The following ZNF536 variants were observed in gnomAD, a reference collection of about 807,000 sequenced individuals.
The protein encoded by ZNF536 is zinc finger protein 536.
A neutral mutation model predicts 84.5 loss-of-function variants in ZNF536; 13 were observed. The ratio of observed to expected loss-of-function variants is 0.15; its 90% confidence interval spans 0.10 to 0.24. The LOEUF (loss-of-function observed/expected upper bound fraction) is 0.24. Among genes scored for constraint, ZNF536 ranks in the 10% least tolerant of loss-of-function variants. The probability of loss-of-function intolerance (pLI) is 1.00; values close to 1 mark genes in which losing one functional copy is unlikely to be tolerated. For synonymous variants in ZNF536, 811 were observed against 742.5 expected, an observed-to-expected ratio of 1.09 and a Z score of -1.50; for missense variants, 1,536 against 1,747.5, an observed-to-expected ratio of 0.88 and a Z score of 2.16.
chr19:30,483,316 C>A (rs1246561344), intron 2 of ZNF536, among the ~76,000 whole-genome samples: 1 of 152,190 alleles, frequency 6.6e-6, no homozygotes, highest in East Asian at 1.9e-4. Flanking sequence ...TGGTCCTCTC[C>A]CCTTCTGGGA....
At chr19:30,294,176 C>G (rs1295558623) in intron 2 of ZNF536, among the ~76,000 whole-genome samples, 1 of 152,114 alleles carries the variant, frequency 6.6e-6, no homozygotes, top group Non-Finnish European at 1.5e-5. Context: ...GGTGTGGCCC[C>G]CAACACAGAG....
intron 2 of ZNF536, among the ~76,000 whole-genome samples, chr19:30,339,049 A>C (rs574999178): frequency 1.3e-5 from 2 of 152,198 alleles, no homozygotes; most frequent in South Asian, 4.2e-4. Context: ...TTCCGTAGCT[A>C]AGTAACCCTG....
intron 2 of ZNF536, among the ~76,000 whole-genome samples, chr19:30,467,461 G>A (rs564289265): frequency 1.4e-4 from 22 of 152,160 alleles, no homozygotes; most frequent in Non-Finnish European, 7.4e-5. Flanking sequence ...TCCTTTTTAC[G>A]GCTGTATAGT....
intron 2 of ZNF536, among the ~76,000 whole-genome samples, chr19:30,284,610 T>C (rs2024298): frequency 0.31 from 47,380 of 152,122 alleles, 9,925 homozygotes; most frequent in East Asian, 0.61. Flanking sequence ...GACTCCAGAT[T>C]GCAAACTCCT....
At chr19:30,298,544 A>G (rs2046081636) in intron 2 of ZNF536, among the ~76,000 whole-genome samples, 1 of 152,228 alleles carries the variant, frequency 6.6e-6, no homozygotes, top group African/African-American at 2.4e-5. Context: ...CAACTGCAGA[A>G]GAACGGTGTG....
At position 30,416,535 on chromosome 19, in the gene ZNF536, G is replaced by A. The variant is rs151302873; in HGVS notation, c.-2-27026G>A. ...AGGGTTCTGGGACTGTCAGACTCAC[G>A]TTAGGATGTGCAGTGTGGGGTGTGT... On this transcript the variant is annotated intron_variant, in intron 1 of 4. Transcript: ENST00000355537. Among the ~76,000 whole-genome samples the A allele has an allele frequency of 6.8e-3, 1,032 of 152,178 alleles. 12 individuals are homozygous for A. The highest frequency in any genetic ancestry group is 8.9e-3 in the Non-Finnish European group (605 of 67,990).
rs536887290 is a variant in ZNF536, at chr19:30,240,557, G to A, written c.-190+11884G>A. 4.7e-4 allele frequency among the ~76,000 whole-genome samples: 72 copies of A among 152,306 alleles called. 2 individuals are homozygous for A. The South Asian group carries it at 0.013, about 27-fold the overall frequency. The stretch of plus-strand genomic sequence containing the variant: ...TGGGAGGAGGCCCAGGAGTGCCATC[G>A]CATTGCTGCACTGGCCTGACCTCCC... On this transcript the variant is annotated intron_variant, in intron 1 of 5. Transcript: ENST00000585628.
chr19:30,564,207 T>C (rs1199197870), intron 1 of ZNF536, among the ~76,000 whole-genome samples: 1 of 152,044 alleles, frequency 6.6e-6, no homozygotes, highest in Non-Finnish European at 1.5e-5. Flanking sequence ...TGTTGGCACA[T>C]GCCTGTGCTC....
chr19:30,680,620 T>C (rs1201422266), intron 1 of ZNF536, among the ~76,000 whole-genome samples: 1 of 152,190 alleles, frequency 6.6e-6, no homozygotes, highest in African/African-American at 2.4e-5. Context: ...CCATGATGTA[T>C]ATGTGCCACA....
chr19:30,268,859 A>G (rs2025664181), intron 1 of ZNF536, among the ~76,000 whole-genome samples: 1 of 152,200 alleles, frequency 6.6e-6, no homozygotes, highest in Non-Finnish European at 1.5e-5. Flanking sequence ...AGGGTCTCCA[A>G]GAACGGATTC....
At chr19:30,262,092 C>A (rs555994365) in intron 1 of ZNF536, among the ~76,000 whole-genome samples, 1 of 152,210 alleles carries the variant, frequency 6.6e-6, no homozygotes, top group Admixed American at 6.5e-5. Context: ...TTCAGAAATA[C>A]GGGTTTGGTT....
At chr19:30,577,311 G>A (rs184099828) in intron 1 of ZNF536, among the ~76,000 whole-genome samples, 16 of 152,056 alleles carry the variant, frequency 1.1e-4, no homozygotes, top group Admixed American at 2.6e-4. Context: ...ATAAACCCCC[G>A]AAAAACAGGA....
downstream of ZNF536, among the ~76,000 whole-genome samples, chr19:30,559,594 C>G (rs1355173180): frequency 6.6e-6 from 1 of 152,226 alleles, no homozygotes; most frequent in Non-Finnish European, 1.5e-5. Flanking sequence ...TTCCTGCAAA[C>G]CTGGGGCACC....
intron 1 of ZNF536, among the ~76,000 whole-genome samples, chr19:30,581,727 G>A (rs1235958636): frequency 2.0e-5 from 3 of 152,008 alleles, no homozygotes; most frequent in Non-Finnish European, 4.4e-5. Context: ...CACGAGGTCA[G>A]GAGTTCAAGA....
At chr19:30,615,383 A>C (rs1355255508) in intron 1 of ZNF536, among the ~76,000 whole-genome samples, 1 of 152,162 alleles carries the variant, frequency 6.6e-6, no homozygotes, top group Non-Finnish European at 1.5e-5. Flanking sequence ...TTATTAAATA[A>C]TTCTTCTTTA....
chr19:30,619,147 T>A (rs1319485012), intron 1 of ZNF536, among the ~76,000 whole-genome samples: 1 of 152,178 alleles, frequency 6.6e-6, no homozygotes, highest in Non-Finnish European at 1.5e-5. Context: ...AATACTCTTT[T>A]TTTTCGGGTG....
chr19:30,382,299 C>T (rs2049051552), intron 1 of ZNF536, among the ~76,000 whole-genome samples: 1 of 152,170 alleles, frequency 6.6e-6, no homozygotes. Context: ...ATCATCTGTG[C>T]AAAGCTCTTA....
At chr19:30,237,775 CT>C (rs36015370) in intron 1 of ZNF536, among the ~76,000 whole-genome samples, 2,884 of 147,484 alleles carry the variant, frequency 0.02, 73 homozygotes, top group African/African-American at 0.065. Context: ...TCTATAAGTT[CT>C]TTTTTTTTTT....
At chr19:30,392,298 G>T (rs1320126676) in intron 1 of ZNF536, among the ~76,000 whole-genome samples, 2 of 152,200 alleles carry the variant, frequency 1.3e-5, no homozygotes, top group Non-Finnish European at 2.9e-5. Flanking sequence ...GGGACAGAAA[G>T]ATTGTGCGGT....
Sources: allele counts gnomAD v4.1 joint callset (sites outside exome capture counted in the v4.1 genomes callset), GRCh38; gene constraint gnomAD v4.1.1; transcripts MANE v1.5; gene names NCBI Gene and HGNC (gene_info 2026-07-23, HGNC 2026-07-21).